The following ARFIP1 variants were observed in gnomAD, a reference collection of about 807,000 sequenced individuals.
ARFIP1 encodes the protein arfaptin-1.
Under a neutral mutation model 42.5 loss-of-function variants are expected in ARFIP1, and 24 were observed. That is an observed-to-expected ratio of 0.57 (90% CI 0.41 to 0.80). ARFIP1 has a LOEUF of 0.80. ARFIP1 is among the 30% of genes least tolerant of loss of function. ARFIP1 has a pLI of 0.00. For missense variants in ARFIP1, 354 were observed against 434.0 expected (o/e 0.82, Z 1.64); for synonymous variants, 141 against 153.7 (o/e 0.92, Z 0.61).
chr4:152,900,753 A>G (rs1051233296), intron 8 of ARFIP1, among the ~76,000 whole-genome samples: 3 of 152,122 alleles, frequency 2.0e-5, no homozygotes, highest in Admixed American at 6.5e-5. Flanking sequence ...AGAATGGTAT[A>G]TTTTTTAATA....
chr4:152,780,624 C>A (rs1306042090), intron 1 of ARFIP1, among the ~76,000 whole-genome samples: 10 of 152,186 alleles, frequency 6.6e-5, no homozygotes, highest in African/African-American at 2.4e-4. Flanking sequence ...CCAGCTTCCT[C>A]TCTCCCGCAG....
At chr4:152,845,689 C>CA (rs771995337) in intron 2 of ARFIP1, among the ~76,000 whole-genome samples, 1 of 151,938 alleles carries the variant, frequency 6.6e-6, no homozygotes, top group Non-Finnish European at 1.5e-5. Flanking sequence ...ATTAAAAAGA[C>CA]AAAAAATAAC....
chr4:152,878,621 C>G (rs1735566170), intron 5 of ARFIP1, among the ~76,000 whole-genome samples: 1 of 152,158 alleles, frequency 6.6e-6, no homozygotes, highest in African/African-American at 2.4e-5. Context: ...TCCAGTTTAT[C>G]TTAATTTGCC....
chr4:152,897,329 T>TA (rs397826856), intron 8 of ARFIP1, among the ~76,000 whole-genome samples: 1 of 151,966 alleles, frequency 6.6e-6, no homozygotes, highest in Non-Finnish European at 1.5e-5. Flanking sequence ...TTTTTTTTTT[T>TA]ACCAGTTATG....
intron 2 of ARFIP1, among the ~76,000 whole-genome samples, chr4:152,846,002 C>T (rs937028088): frequency 6.6e-6 from 1 of 152,164 alleles, no homozygotes; most frequent in East Asian, 1.9e-4. Flanking sequence ...TCATTAAATA[C>T]TGTGCAGCCA....
chr4:152,841,881 G>A (rs1732108336), intron 2 of ARFIP1, among the ~76,000 whole-genome samples: 2 of 151,998 alleles, frequency 1.3e-5, no homozygotes, highest in Admixed American at 1.3e-4. Context: ...GACATCGAAG[G>A]CACCCGTCTC....
At position 152,910,345 on chromosome 4, in the gene ARFIP1, T is replaced by C. The variant is rs1561191072; in HGVS notation, c.*126T>C. On this transcript the variant is annotated 3_prime_UTR_variant, in exon 9 of 9. Transcript: ENST00000353617. ...TTATAGTGATTCTTGCACAAACAGC[T>C]TTAATTTTTCCCTTTTTCATACTTT... 1.7e-6 allele frequency: 2 copies of C among 1,149,564 alleles called. No homozygotes were observed. The highest frequency in any genetic ancestry group is 2.4e-6 in the Non-Finnish European group (2 of 837,206). 71.2% of individuals were successfully genotyped at this position (1,149,564 alleles called of 1,614,324 possible). A position where few individuals can be genotyped will look rare whatever the true frequency, so the allele number is the denominator to read the frequency against.
intron 2 of ARFIP1, among the ~76,000 whole-genome samples, chr4:152,852,646 A>T (rs1032865807): frequency 3.3e-5 from 5 of 151,696 alleles, no homozygotes; most frequent in African/African-American, 9.7e-5. Flanking sequence ...AAAAAAAAAA[A>T]TTTCGGGTTA....
chr4:152,800,695 AAT>A (rs1728339761), intron 1 of ARFIP1, among the ~76,000 whole-genome samples: 1 of 152,208 alleles, frequency 6.6e-6, no homozygotes, highest in Admixed American at 6.5e-5. Flanking sequence ...ATTTAAGGAA[AAT>A]ATACAGATAT....
chr4:152,887,287 G>T (rs1201335283), intron 7 of ARFIP1, among the ~76,000 whole-genome samples: 1 of 151,898 alleles, frequency 6.6e-6, no homozygotes, highest in Non-Finnish European at 1.5e-5. Context: ...TGAGTTGATG[G>T]GGGGAGAATA....
At chr4:152,836,999 A>G (rs563488665) in intron 2 of ARFIP1, among the ~76,000 whole-genome samples, 98 of 151,690 alleles carry the variant, frequency 6.5e-4, no homozygotes, top group Non-Finnish European at 1.2e-3. Flanking sequence ...CTCATAGCCT[A>G]GTTCCCACAT....
In ARFIP1 at chr4:152,824,978, TAC is replaced by T. The variant is rs143500895; in HGVS notation, c.-9-4633_-9-4632del. On this transcript the variant is annotated intron_variant, in intron 1 of 8. Transcript: ENST00000353617. Reference sequence around the variant, plus strand: ...TACACACACGCACACCACACATACATACACACACACACACATACATATACACA... The same window carrying T: ...TACACACACGCACACCACACATACATACACACACACACATACATATACACA... Among the ~76,000 whole-genome samples, 279 of 149,734 alleles carry T rather than the reference TAC, an allele frequency of 1.9e-3. 1 individual carries two copies. Among genetic ancestry groups the T allele is most frequent in the African/African-American group, 6.2e-3 (255 of 40,906 alleles).
intron 3 of ARFIP1, among the ~76,000 whole-genome samples, chr4:152,869,717 C>T (rs1405527065): frequency 1.3e-5 from 2 of 152,146 alleles, no homozygotes; most frequent in Non-Finnish European, 2.9e-5. Context: ...GCATGAGCCG[C>T]CGCTCTCAGC....
chr4:152,816,159 TA>T (rs1302079808), intron 1 of ARFIP1, among the ~76,000 whole-genome samples: 2 of 152,236 alleles, frequency 1.3e-5, no homozygotes, highest in African/African-American at 2.4e-5. Context: ...TGTGCATGAT[TA>T]TTGTTTAATT....
chr4:152,900,437 A>G (rs1176860796), intron 8 of ARFIP1, among the ~76,000 whole-genome samples: 2 of 151,994 alleles, frequency 1.3e-5, no homozygotes, highest in Non-Finnish European at 2.9e-5. Context: ...TCTGCTTGTC[A>G]GTGATTTGTT....
intron 3 of ARFIP1, among the ~76,000 whole-genome samples, chr4:152,867,738 A>G (rs1734532532): frequency 6.6e-6 from 1 of 152,170 alleles, no homozygotes; most frequent in South Asian, 2.1e-4. Context: ...TTATAGATAC[A>G]TCCTAATCCT....
At chr4:152,793,307 C>A (rs909408673) in intron 1 of ARFIP1, among the ~76,000 whole-genome samples, 1 of 92,518 alleles carries the variant, frequency 1.1e-5, no homozygotes, top group Non-Finnish European at 2.3e-5. Flanking sequence ...AGCGAAACTC[C>A]GTCTCAAAAA....
Position 152,895,513 on chromosome 4 carries a change from A to G in ARFIP1, c.966+7206A>G, listed in dbSNP as rs76728643. On this transcript the variant is annotated intron_variant, in intron 8 of 8. Transcript: ENST00000353617. Reference sequence around the variant, plus strand: ...ATGATCCTCCTACCTCAGCCTTCCAAGTAACTGAGACTACTGGTACATGCC... The same window carrying G: ...ATGATCCTCCTACCTCAGCCTTCCAGGTAACTGAGACTACTGGTACATGCC... Among the ~76,000 whole-genome samples the G allele has an allele frequency of 4.4e-3, 649 of 149,116 alleles. 4 individuals are homozygous for G. The highest frequency in any genetic ancestry group is 0.015 in the African/African-American group (609 of 40,438).
chr4:152,798,729 A>T (rs1050916404), intron 1 of ARFIP1, among the ~76,000 whole-genome samples: 2 of 152,168 alleles, frequency 1.3e-5, no homozygotes, highest in Admixed American at 1.3e-4. Context: ...ATTTGTGTGT[A>T]TATTTATCTC....
Sources: allele counts gnomAD v4.1 joint callset (sites outside exome capture counted in the v4.1 genomes callset), GRCh38; gene constraint gnomAD v4.1.1; transcripts MANE v1.5; gene names NCBI Gene and HGNC (gene_info 2026-07-23, HGNC 2026-07-21).